MGAM2: variants seen among roughly 807,000 people sequenced by gnomAD.
MGAM2 encodes the protein probable maltase-glucoamylase 2.
In MGAM2, 98 loss-of-function variants were observed where a neutral mutation model predicts 96.1. That is an observed-to-expected ratio of 1.02 (90% CI 0.87 to 1.21). MGAM2 has a LOEUF of 1.21. Among genes scored for constraint, MGAM2 ranks in the 50% most tolerant of loss-of-function variants. The pLI is 0.00. For missense variants in MGAM2, 2,055 were observed against 1,182.4 expected (o/e 1.74, Z -10.82); for synonymous variants, 749 against 414.8 (o/e 1.81, Z -9.79).
At chr7:142,173,022 A>C (rs575364806) in intron 30 of MGAM2, among the ~76,000 whole-genome samples, 1 of 152,214 alleles carries the variant, frequency 6.6e-6, no homozygotes, top group East Asian at 1.9e-4. Context: ...CCTAGAATGA[A>C]AACTCTGGAA....
In MGAM2 at chr7:142,136,754, A is replaced by G. The variant is rs1795072077; in HGVS notation, c.847+114A>G. 7.5e-6 allele frequency: 4 copies of G among 536,882 alleles called. No homozygotes were observed. In the South Asian group the frequency reaches 1.1e-4, roughly 15 times the overall value. 33.3% of individuals were successfully genotyped at this position (536,882 alleles called of 1,614,324 possible). A position where few individuals can be genotyped will look rare whatever the true frequency, so the allele number is the denominator to read the frequency against. On this transcript the variant is annotated intron_variant, in intron 8 of 47. Transcript: ENST00000477922. ...GTTGAACAGAAGGCATTTTGAACCT[A>G]CAATACTTTTATTGAAACTGGAACC...
intron 37 of MGAM2, among the ~76,000 whole-genome samples, chr7:142,190,883 T>G (rs1796847506): frequency 6.6e-6 from 1 of 152,020 alleles, no homozygotes; most frequent in Admixed American, 6.6e-5. Flanking sequence ...ACCTGTAATC[T>G]CAGTACTTTG....
chr7:142,155,000 A>G (rs1795696888), intron 17 of MGAM2, among the ~76,000 whole-genome samples, 155 bp downstream of exon 17: 1 of 152,248 alleles, frequency 6.6e-6, no homozygotes, highest in East Asian at 1.9e-4. Context: ...CAGGGTATCA[A>G]TCAAGGTGAG....
At chr7:142,159,388 G>A (rs1212849024) in intron 20 of MGAM2, 45 bp downstream of exon 20, 2 of 700,548 alleles carry the variant, frequency 2.9e-6, no homozygotes, top group East Asian at 5.4e-5. Flanking sequence ...GCCTCTAGCA[G>A]AGGGCAATTC....
At chr7:142,115,851 T>A (rs530136984) in intron 1 of MGAM2, among the ~76,000 whole-genome samples, 15 of 152,066 alleles carry the variant, frequency 9.9e-5, no homozygotes, top group Non-Finnish European at 1.9e-4. Context: ...TCTCAAAATA[T>A]ATAAATAAAT....
rs1286358653 is a variant in MGAM2 at position 142,164,983 on chromosome 7, C to T, written c.2612C>T (p.Ala871Val). ...TTTATCGTCCTACTGAATAATGTTG[C>T]CACCTCCAGTCCAAGCGTTGTCTAC... is the stretch of plus-strand genomic sequence containing the variant. ...ANFIVLLNNV[A>V]TSSPSVVYNA... Residue 871 changes from alanine to valine, a missense_variant, in exon 24 of 48, where the codon GCC (alanine) becomes GTC (valine). By Grantham distance (64) the Ala-to-Val change is moderately conservative. Coordinates refer to ENST00000477922, the MANE Select transcript of MGAM2 (RefSeq NM_001293626.2). 1.4e-6 allele frequency: 1 copy of T among 702,306 alleles called. No individual in the cohort carries two copies. The highest frequency in any genetic ancestry group is 1.7e-5 in the African/African-American group (1 of 57,224). 43.5% of individuals were successfully genotyped at this position (702,306 alleles called of 1,614,324 possible). A position where few individuals can be genotyped will look rare whatever the true frequency, so the allele number is the denominator to read the frequency against.
At position 142,201,618 on chromosome 7, in the gene MGAM2, C is replaced by A. The variant is rs189073781; in HGVS notation, c.5137+1650C>A. Among the ~76,000 whole-genome samples the A allele has an allele frequency of 4.0e-4, 61 of 152,216 alleles. No individual in the cohort carries two copies. In the East Asian group the frequency reaches 7.3e-3, roughly 18 times the overall value. ...AAGTTCGCCTTTTATAGTCAGCCTG[C>A]GGATTCATCCAACTGTGGTTTGAAA... On this transcript the variant is annotated intron_variant, in intron 45 of 47. Coordinates refer to ENST00000477922, the MANE Select transcript of MGAM2 (RefSeq NM_001293626.2).
chr7:142,187,480 C>A (rs1796734462), intron 35 of MGAM2, among the ~76,000 whole-genome samples: 1 of 152,224 alleles, frequency 6.6e-6, no homozygotes, highest in Non-Finnish European at 1.5e-5. Context: ...GTAAAACAAT[C>A]CTTGTAAGTT....
intron 26 of MGAM2, among the ~76,000 whole-genome samples, chr7:142,167,977 A>C (rs556134222): frequency 2.4e-4 from 37 of 152,264 alleles, no homozygotes; most frequent in African/African-American, 7.9e-4. Context: ...GTGGCCTTAG[A>C]TCTATGAGGA....
chr7:142,163,521 C>T (rs1274995123), intron 23 of MGAM2, among the ~76,000 whole-genome samples: 3 of 152,154 alleles, frequency 2.0e-5, no homozygotes, highest in Non-Finnish European at 4.4e-5. Context: ...ACCTCATGAT[C>T]CGCCCGCCTC....
chr7:142,195,438 C>A (rs1251023965), intron 37 of MGAM2, among the ~76,000 whole-genome samples: 1 of 148,318 alleles, frequency 6.7e-6, no homozygotes, highest in Non-Finnish European at 1.5e-5. Flanking sequence ...TCACTGCAAC[C>A]TCCATCTCCT....
chr7:142,119,300 G>A (rs1205298504), intron 2 of MGAM2, among the ~76,000 whole-genome samples: 2 of 151,966 alleles, frequency 1.3e-5, no homozygotes, highest in East Asian at 3.8e-4. Context: ...TCTATAAATG[G>A]CCACTAAACC....
Position 142,157,390 on chromosome 7 carries a change from C to A in MGAM2, c.1924-547C>A, listed in dbSNP as rs74300738. On this transcript the variant is annotated intron_variant, in intron 17 of 47. Coordinates refer to ENST00000477922, the MANE Select transcript of MGAM2 (RefSeq NM_001293626.2). The stretch of plus-strand genomic sequence containing the variant: ...TACAAACTGCCTCAGAAGACAGACA[C>A]CAATTTTTTTTTTTTTTTTTGAGAC... Among the ~76,000 whole-genome samples the A allele has an allele frequency of 2.4e-3, 340 of 143,196 alleles. 2 individuals are homozygous for A. The East Asian group carries it at 0.033, about 14-fold the overall frequency. 93.9% of individuals were successfully genotyped at this position (143,196 alleles called of 152,430 possible). A position where few individuals can be genotyped will look rare whatever the true frequency, so the allele number is the denominator to read the frequency against.
intron 3 of MGAM2, among the ~76,000 whole-genome samples, chr7:142,122,421 G>A (rs1029994068): frequency 6.6e-6 from 1 of 152,120 alleles, no homozygotes; most frequent in Non-Finnish European, 1.5e-5. Flanking sequence ...TTGAATTATG[G>A]CAAATGACTA....
chr7:142,156,072 G>A (rs756796867), intron 17 of MGAM2, among the ~76,000 whole-genome samples: 5 of 152,054 alleles, frequency 3.3e-5, no homozygotes, highest in Non-Finnish European at 7.4e-5. Context: ...TTGAACCGGG[G>A]AGGCAGAGGT....
intron 3 of MGAM2, among the ~76,000 whole-genome samples, chr7:142,128,483 C>G (rs558962463): frequency 1.3e-5 from 2 of 152,322 alleles, no homozygotes; most frequent in African/African-American, 4.8e-5. Flanking sequence ...GTCTTCAGAG[C>G]AGTACCTCCC....
chr7:142,167,650 G>C (rs891340226), intron 26 of MGAM2, among the ~76,000 whole-genome samples, 164 bp downstream of exon 26: 1 of 152,178 alleles, frequency 6.6e-6, no homozygotes, highest in African/African-American at 2.4e-5. Context: ...TCAGGTCACT[G>C]TAACTTCCAC....
intron 23 of MGAM2, 34 bp downstream of exon 23, chr7:142,162,038 G>A (rs1230043009): frequency 4.5e-6 from 3 of 669,960 alleles, no homozygotes; most frequent in East Asian, 2.8e-5. Flanking sequence ...CACAGCATAT[G>A]TTCCTTGCTG....
chr7:142,136,407 C>CT (rs1795060760), intron 7 of MGAM2, 134 bp from the exon 8 acceptor site: 1 of 434,610 alleles, frequency 2.3e-6, no homozygotes, highest in African/African-American at 2.0e-5. Flanking sequence ...ATTACAATGC[C>CT]TTTTTGATAC....
Sources: gnomAD v4.1 joint callset for allele counts (sites outside exome capture counted in the v4.1 genomes callset) on GRCh38, gnomAD v4.1.1 for gene constraint, MANE v1.5 for transcripts, NCBI Gene and HGNC (gene_info 2026-07-23, HGNC 2026-07-21) for gene names.